The following LMBR1L variants were observed in gnomAD, a reference collection of about 807,000 sequenced individuals.
LMBR1L encodes protein LMBR1L.
Under a neutral mutation model 67.3 loss-of-function variants are expected in LMBR1L, and 47 were observed. The ratio of observed to expected loss-of-function variants is 0.70; its 90% CI spans 0.55 to 0.89. The LOEUF (loss-of-function observed/expected upper bound fraction) is 0.89. Ranked by LOEUF, LMBR1L falls within the 40% of genes least tolerant of loss-of-function variation. LMBR1L has a pLI of 0.00. For synonymous variants in LMBR1L, 247 were observed against 250.3 expected (o/e 0.99, Z 0.13); for missense variants, 533 against 599.2 (o/e 0.89, Z 1.15).
At chr12:49,108,561 C>CAAAAAAA (rs35533408) in intron 1 of LMBR1L, among the ~76,000 whole-genome samples, 1 of 47,544 alleles carries the variant, frequency 2.1e-5, no homozygotes, top group African/African-American at 9.2e-5. Flanking sequence ...GACTGAGTCT[C>CAAAAAAA]AAAAAAAAAA....
At chr12:49,106,567 G>A (rs983641396) in intron 2 of LMBR1L, 2 of 1,314,986 alleles carry the variant, frequency 1.5e-6, no homozygotes, top group South Asian at 2.5e-5. Flanking sequence ...TCATCAGGGA[G>A]GTCTCTGGTC....
At position 49,104,828 on chromosome 12, in the gene LMBR1L, G is replaced by A. The variant is rs754744327; in HGVS notation, c.249C>T (p.Pro83=). ...AIALGAVLLL[P]FSIISNEVLL... ...GCACCTCATTGCTGATGATGGAGAA[G>A]GGCAGGAGCAGGACAGCACCCAGGG... Residue 83 remains proline (P), a synonymous_variant, in exon 4 of 17, where the codon CCC becomes CCT. Transcript: ENST00000267102. 3.7e-6 allele frequency: 6 copies of A among 1,613,740 alleles called. No homozygotes were observed. The African/African-American group carries it at 5.3e-5, about 14-fold the overall frequency.
rs752154302 is a variant in LMBR1L, at chr12:49,105,923, CG to C, written c.191del (p.Ala64GlyfsTer93). 1 of 1,612,454 alleles carries C rather than the reference CG, an allele frequency of 6.2e-7. No individual in the cohort carries two copies. The highest frequency in any genetic ancestry group is 8.5e-7 in the Non-Finnish European group (1 of 1,179,324). ...TTAGGTGCTGAGGCAGGGACACTTA[CG>C]CAATCTTGTTGACGGTGGCATCTTC... ...DDEDATVNKI[A>X]LELCTFTLAI... On this transcript the variant is annotated frameshift_variant and splice_region_variant, in exon 3 of 17. Transcript: ENST00000267102. LOFTEE classifies it high-confidence loss of function.
intron 1 of LMBR1L, among the ~76,000 whole-genome samples, chr12:49,108,593 G>A (rs1941198439): frequency 1.3e-5 from 2 of 149,326 alleles, no homozygotes; most frequent in African/African-American, 2.5e-5. Flanking sequence ...AAAAGGCCGT[G>A]TGTGGTGGCA....
At chr12:49,104,044 T>C (rs1341603064) in intron 5 of LMBR1L, 2 of 517,680 alleles carry the variant, frequency 3.9e-6, no homozygotes, top group Admixed American at 3.7e-5. Context: ...TTCCTTGTCA[T>C]TGTGTGCTCT....
intron 5 of LMBR1L, 47 bp downstream of exon 5, chr12:49,104,401 T>G: frequency 3.1e-6 from 4 of 1,282,624 alleles, no homozygotes; most frequent in African/African-American, 1.5e-5. Context: ...AGCTGAACCA[T>G]GTGTGTGGAA....
At chr12:49,107,878 C>T (rs533048306) in intron 1 of LMBR1L, among the ~76,000 whole-genome samples, 21 of 152,198 alleles carry the variant, frequency 1.4e-4, no homozygotes, top group Non-Finnish European at 2.2e-4. Flanking sequence ...CCTGTAATCC[C>T]AGCACTTTGG....
At chr12:49,109,785 G>A (rs1485823396) in intron 1 of LMBR1L, 2 of 455,026 alleles carry the variant, frequency 4.4e-6, no homozygotes, top group African/African-American at 4.0e-5. Flanking sequence ...TAAGTGGCAG[G>A]GAGGGCGTAA....
At chr12:49,101,824 T>A (rs920857874) in intron 11 of LMBR1L, 1 of 579,472 alleles carries the variant, frequency 1.7e-6, no homozygotes, top group African/African-American at 1.9e-5. Context: ...ACTGAGTCCA[T>A]AGGGGAATCG....
chr12:49,105,068 C>T lies in LMBR1L; in HGVS notation c.192-183G>A. ...GCCACCCCACCCTAGCTCTTTACCT[C>T]CAGGGAAGCCCCAGCTCATGGGATG... On this transcript the variant is annotated intron_variant, in intron 3 of 16. Transcript: ENST00000267102. 3 of 624,424 alleles carry T rather than the reference C, an allele frequency of 4.8e-6. No homozygotes were observed. In the South Asian group the frequency reaches 6.3e-5, roughly 13 times the overall value. 38.7% of individuals were successfully genotyped at this position (624,424 alleles called of 1,614,324 possible).
intron 15 of LMBR1L, 112 bp downstream of exon 15, chr12:49,100,275 TA>T: frequency 1.2e-6 from 1 of 837,122 alleles, no homozygotes; most frequent in Non-Finnish European, 2.1e-6. Context: ...GGATAATACC[TA>T]CTCATGGGTT....
chr12:49,106,998 G>A lies in LMBR1L; in HGVS notation c.120C>T (p.Phe40=), dbSNP rs1316211804. 2 of 1,613,734 alleles carry A rather than the reference G, an allele frequency of 1.2e-6. No individual in the cohort carries two copies. Among genetic ancestry groups the A allele is most frequent in the South Asian group, 1.1e-5 (1 of 91,082 alleles). Residue 40 remains phenylalanine (F), a synonymous_variant, in exon 2 of 17, where the codon TTC becomes TTT. Transcript: ENST00000267102. ...CAGCAGGCTTCTTGAAGCGGGTCAG[G>A]AAGATGTGGCAGAGGATGTACAGTG... is the stretch of plus-strand genomic sequence containing the variant. ...FATLYILCHI[F]LTRFKKPAEF... is the part of the protein sequence containing the mutation.
rs1940106250 is a variant in LMBR1L, at chr12:49,101,064, C to G, written c.1082+186G>C. The G allele has an allele frequency of 3.1e-6, 4 of 1,302,098 alleles. No individual in the cohort carries two copies. In the Admixed American group the frequency reaches 1.0e-4, roughly 34 times the overall value. 80.7% of individuals were successfully genotyped at this position (1,302,098 alleles called of 1,614,324 possible). A position where few individuals can be genotyped will look rare whatever the true frequency, so the allele number is the denominator to read the frequency against. On this transcript the variant is annotated intron_variant, in intron 13 of 16. Transcript: ENST00000267102. Reference sequence around the variant, plus strand: ...TTCTTCTGATCAGATTCTACTGAACCACCAGCCCTCCTTTCAAATTAAGTC... The same window carrying G: ...TTCTTCTGATCAGATTCTACTGAACGACCAGCCCTCCTTTCAAATTAAGTC...
intron 15 of LMBR1L, among the ~76,000 whole-genome samples, chr12:49,099,771 G>C (rs929759717): frequency 1.3e-4 from 20 of 152,060 alleles, no homozygotes; most frequent in African/African-American, 4.6e-4. Flanking sequence ...AGTAGAGATG[G>C]GGTTTCTCCA....
intron 15 of LMBR1L, among the ~76,000 whole-genome samples, chr12:49,099,836 C>T (rs1269480203): frequency 2.0e-5 from 3 of 152,210 alleles, no homozygotes; most frequent in Admixed American, 2.0e-4. Context: ...CCGCCTTGGC[C>T]TCCCAAAGTG....
intron 15 of LMBR1L, among the ~76,000 whole-genome samples, chr12:49,099,612 G>A (rs898280296): frequency 4.2e-5 from 6 of 144,178 alleles, no homozygotes; most frequent in South Asian, 4.4e-4. Context: ...ATGAAGATTC[G>A]CTCTTGTTGC....
chr12:49,103,664 C>T (rs1328275610), intron 6 of LMBR1L, 23 bp downstream of exon 6: 1 of 1,601,914 alleles, frequency 6.2e-7, no homozygotes, highest in Non-Finnish European at 8.5e-7. Flanking sequence ...GCCATGCAGC[C>T]TGGAGGAAGC....
In LMBR1L at chr12:49,101,541, A is replaced by G. The variant is rs1255329209; in HGVS notation, c.939T>C (p.Ser313=). 1 of 1,613,182 alleles carries G rather than the reference A, an allele frequency of 6.2e-7. No homozygotes were observed. The change falls in exon 12 of 17, where the codon TCT becomes TCC. Residue 313 remains serine (S), a synonymous_variant. Transcript: ENST00000267102. ...GGATGTGGATGGCCACAATGAGCAC[A>G]GACAGGCCCTGTGTGAGGCAAGGTC... ...MLCLLVLTGL[S]VLIVAIHILE...
intron 1 of LMBR1L, among the ~76,000 whole-genome samples, chr12:49,107,955 C>G (rs1445249468): frequency 6.6e-6 from 1 of 152,032 alleles, no homozygotes; most frequent in Non-Finnish European, 1.5e-5. Context: ...ATGGTGAAAC[C>G]CCGTCTCTAT....
Sources: allele counts gnomAD v4.1 joint callset (sites outside exome capture counted in the v4.1 genomes callset), GRCh38; gene constraint gnomAD v4.1.1; transcripts MANE v1.5; gene names NCBI Gene and HGNC (gene_info 2026-07-23, HGNC 2026-07-21).